Variants in GAGE1 observed in about 807,000 individuals in gnomAD.
The protein encoded by GAGE1 is G antigen 4.
GAGE1 carries 5 observed loss-of-function variants against 5.0 expected under a neutral mutation model. The observed-to-expected ratio is 1.00, with a 90% confidence interval of 0.52 to 2.11. GAGE1 has a LOEUF of 2.11. Ranked by LOEUF, GAGE1 falls within the 30% of genes most tolerant of loss-of-function variation. GAGE1 has a pLI of 0.01. For synonymous variants in GAGE1, 6 were observed against 14.8 expected (o/e 0.40, Z 1.37); for missense variants, 9 against 38.9 (o/e 0.23, Z 2.04).
rs782134498 is a variant in GAGE1, at chrX:49,607,430, C to T, written c.*1415C>T. 8.1e-5 allele frequency: 9 copies of T among 111,747 alleles called. No individual in the cohort carries two copies. Among genetic ancestry groups the T allele is most frequent in the African/African-American group, 1.6e-4 (5 of 30,829 alleles). 9.2% of individuals were successfully genotyped at this position (111,747 alleles called of 1,213,427 possible). A position where few individuals can be genotyped will look rare whatever the true frequency, so the allele number is the denominator to read the frequency against. On this transcript the variant is annotated 3_prime_UTR_variant, in exon 5 of 5. Transcript: ENST00000381700. ...TCAAGGTTCCTCTAGCTTCATAAAACGGGTTGGTATGTAAAACCTCTTTTT... is the reference window on the plus strand; with the variant it reads ...TCAAGGTTCCTCTAGCTTCATAAAATGGGTTGGTATGTAAAACCTCTTTTT...
Position 49,605,644 on chromosome X carries a change from G to C in GAGE1, c.332-349G>C, listed in dbSNP as rs1321716542. Among the ~76,000 whole-genome samples, 7 of 111,704 alleles carry C rather than the reference G, an allele frequency of 6.3e-5. No individual in the cohort carries two copies. The East Asian group carries it at 1.7e-3, about 27-fold the overall frequency. On this transcript the variant is annotated intron_variant, in intron 4 of 4. Coordinates refer to ENST00000381700, the MANE Select transcript of GAGE1 (RefSeq NM_001040663.4). ...ATCTGTTGCTCAGCCGGGCGCTGTGGCTCACGCCTGTAATCCCAGCACTTT... is the reference window on the plus strand; with the variant it reads ...ATCTGTTGCTCAGCCGGGCGCTGTGCCTCACGCCTGTAATCCCAGCACTTT...
chrX:49,604,460 T>TTA (rs1242723494), intron 4 of GAGE1, among the ~76,000 whole-genome samples: 1 of 112,524 alleles, frequency 8.9e-6, no homozygotes, highest in Admixed American at 9.4e-5. Flanking sequence ...ATATCAGCTC[T>TTA]TACAGCCTTG....
chrX:49,604,075 A>C (rs1199198481), intron 4 of GAGE1, among the ~76,000 whole-genome samples: 2 of 112,300 alleles, frequency 1.8e-5, no homozygotes, highest in African/African-American at 6.5e-5. Flanking sequence ...TTGTTCCCGA[A>C]CTCCTGACCT....
chrX:49,604,692 G>T (rs2147107148), intron 4 of GAGE1, among the ~76,000 whole-genome samples: 1 of 112,477 alleles, frequency 8.9e-6, no homozygotes, highest in East Asian at 2.8e-4. Context: ...TCTCTGAATT[G>T]AGATTTCATT....
intron 4 of GAGE1, chrX:49,605,056 C>A: frequency 2.0e-6 from 2 of 1,022,330 alleles, no homozygotes; most frequent in South Asian, 3.7e-5. Flanking sequence ...TGAACAATTG[C>A]TTCTTAAATC....
chrX:49,604,723 G>T (rs1282256915), intron 4 of GAGE1, among the ~76,000 whole-genome samples: 2 of 112,170 alleles, frequency 1.8e-5, no homozygotes, highest in Non-Finnish European at 3.8e-5. Flanking sequence ...AAGTGAGGGG[G>T]CACTCTGCTT....
chrX:49,602,605 T>G (rs2066617904), intron 3 of GAGE1, among the ~76,000 whole-genome samples: 1 of 86,960 alleles, frequency 1.1e-5, no homozygotes, highest in Admixed American at 1.2e-4. Context: ...TTTACTGTTA[T>G]TAATGCTGAA....
intron 4 of GAGE1, 60 bp from the exon 5 acceptor site, chrX:49,605,933 A>G (rs2147109294): frequency 1.6e-6 from 1 of 612,571 alleles, no homozygotes; most frequent in Non-Finnish European, 2.2e-6. Flanking sequence ...TAATAATAAT[A>G]ATAATAATAA....
intron 4 of GAGE1, among the ~76,000 whole-genome samples, chrX:49,604,158 T>G (rs1181782768): frequency 1.8e-5 from 2 of 112,672 alleles, no homozygotes; most frequent in Non-Finnish European, 3.7e-5. Flanking sequence ...AGACCCAGCA[T>G]TATATTTTTA....
At position 49,605,914 on chromosome X, in the gene GAGE1, T is replaced by TAAC. The variant is rs1385055695; in HGVS notation, c.332-77_332-76insCAA. 2.5e-5 allele frequency: 10 copies of TAAC among 401,082 alleles called. No individual in the cohort carries two copies. The East Asian group carries it at 4.8e-4, about 19-fold the overall frequency. The allele number at this position is 401,082 out of a possible 1,213,427, so 33.1% of individuals were successfully genotyped here. A position where few individuals can be genotyped will look rare whatever the true frequency, so the allele number is the denominator to read the frequency against. On this transcript the variant is annotated intron_variant, in intron 4 of 4. Transcript: ENST00000381700. ...CAGAGTGAGACTCCATCTAAAATAA[T>TAAC]AATAATAATAATAATAATAATAATA...
intron 4 of GAGE1, among the ~76,000 whole-genome samples, chrX:49,604,256 G>C (rs1428339031): frequency 5.3e-5 from 6 of 112,739 alleles, no homozygotes; most frequent in Admixed American, 9.3e-5. Context: ...CAGCACCCGA[G>C]TGATAGACTT....
chrX:49,604,569 G>A (rs1330927860), intron 4 of GAGE1, among the ~76,000 whole-genome samples: 1 of 111,905 alleles, frequency 8.9e-6, no homozygotes, highest in African/African-American at 3.3e-5. Flanking sequence ...TTTCCATTCC[G>A]GTTCTTTCAT....
Position 49,606,010 on chromosome X carries a change from T to C in GAGE1, c.349T>C (p.Cys117Arg), listed in dbSNP as rs1378515904. 1.9e-6 allele frequency: 2 copies of C among 1,071,997 alleles called. No individual in the cohort carries two copies. The allele number at this position is 1,071,997 out of a possible 1,213,427, so 88.3% of individuals were successfully genotyped here. A position where few individuals can be genotyped will look rare whatever the true frequency, so the allele number is the denominator to read the frequency against. Residue 117 changes from cysteine to arginine, a missense_variant, in exon 5 of 5, where the codon TGT (cysteine) becomes CGT (arginine). This residue lies in a region of GAGE1 where 9 missense variants were observed against 16.1 expected (regional missense o/e 0.56). Coordinates refer to ENST00000381700, the MANE Select transcript of GAGE1 (RefSeq NM_001040663.4). ...TGTTTCAGGTGAAGGGCAATCACAG[T>C]GTTAAAAGAAGACATGCTGAAATGT... ...TPEEGEGQSQ[C>R] is the part of the protein sequence containing the mutation.
At position 49,606,606 on chromosome X, in the gene GAGE1, G is replaced by C. The variant is rs1302503767; in HGVS notation, c.*591G>C. The stretch of plus-strand genomic sequence containing the variant: ...TAGTGGAAATTTTTGTGTTATTCCT[G>C]ATGAGAAATGGAAAAATTTCAACAT... On this transcript the variant is annotated 3_prime_UTR_variant, in exon 5 of 5. Coordinates refer to ENST00000381700, the MANE Select transcript of GAGE1 (RefSeq NM_001040663.4). The C allele has an allele frequency of 8.9e-6, 1 of 112,332 alleles. No homozygotes were observed. Among genetic ancestry groups the C allele is most frequent in the African/African-American group, 3.2e-5 (1 of 30,903 alleles). The allele number at this position is 112,332 out of a possible 1,213,427, so 9.3% of individuals were successfully genotyped here. A position where few individuals can be genotyped will look rare whatever the true frequency, so the allele number is the denominator to read the frequency against.
intron 4 of GAGE1, among the ~76,000 whole-genome samples, 184 bp from the exon 5 acceptor site, chrX:49,605,809 T>C (rs2066654609): frequency 1.8e-5 from 2 of 109,381 alleles, no homozygotes; most frequent in Middle Eastern, 4.8e-3. Flanking sequence ...CTCAGGAGTC[T>C]GAGGTAGGAG....
intron 4 of GAGE1, among the ~76,000 whole-genome samples, chrX:49,604,507 A>G (rs1557131729): frequency 4.5e-5 from 5 of 112,043 alleles, no homozygotes; most frequent in Admixed American, 9.5e-5. Context: ...TTCTAAACCT[A>G]TCTTTGGTTG....
At chrX:49,604,243 C>T (rs2066636136) in intron 4 of GAGE1, among the ~76,000 whole-genome samples, 1 of 112,398 alleles carries the variant, frequency 8.9e-6, no homozygotes. Flanking sequence ...GTAGTTCAGG[C>T]CCCAGCACCC....
intron 4 of GAGE1, among the ~76,000 whole-genome samples, chrX:49,605,315 G>A (rs1844022574): frequency 8.9e-6 from 1 of 112,079 alleles, no homozygotes; most frequent in South Asian, 3.7e-4. Flanking sequence ...TTAGAGACAT[G>A]AATTGATAAG....
Position 49,606,117 on chromosome X carries a change from G to A in GAGE1, c.*102G>A. ...ACAGCCTTCTGCAAAGAAGTCTTGT[G>A]AATCTTTTGTCAATTTTATTTCTAG... On this transcript the variant is annotated 3_prime_UTR_variant, in exon 5 of 5. Coordinates refer to ENST00000381700, the MANE Select transcript of GAGE1 (RefSeq NM_001040663.4). 1 of 482,374 alleles carries A rather than the reference G, an allele frequency of 2.1e-6. No homozygotes were observed. Among genetic ancestry groups the A allele is most frequent in the South Asian group, 7.6e-5 (1 of 13,085 alleles). The allele number at this position is 482,374 out of a possible 1,213,427, so 39.8% of individuals were successfully genotyped here.
Sources: allele counts gnomAD v4.1 joint callset (sites outside exome capture counted in the v4.1 genomes callset), GRCh38; gene constraint gnomAD v4.1.1; regional missense constraint gnomAD v4.1.1; transcripts MANE v1.5; gene names NCBI Gene and HGNC (gene_info 2026-07-23, HGNC 2026-07-21).